Variants in GRIN2B observed in about 807,000 individuals in gnomAD.
GRIN2B encodes glutamate receptor ionotropic, NMDA 2B.
Under a neutral mutation model 114.5 loss-of-function variants are expected in GRIN2B, and 5 were observed. That is an observed-to-expected ratio of 0.04 (90% confidence interval 0.02 to 0.09). The LOEUF (loss-of-function observed/expected upper bound fraction) is 0.09, where lower values mean the gene tolerates loss of function less well. Among genes scored for constraint, GRIN2B ranks in the 10% least tolerant of loss-of-function variants. The probability of loss-of-function intolerance (pLI) is 1.00; values close to 1 mark genes in which losing one functional copy is unlikely to be tolerated. For missense variants in GRIN2B, 1,108 were observed against 1,943.5 expected, an observed-to-expected ratio of 0.57 and a Z score of 8.08; for synonymous variants, 787 against 745.1, an observed-to-expected ratio of 1.06 and a Z score of -0.92.
At chr12:13,852,347 A>C (rs566797322) in intron 3 of GRIN2B, among the ~76,000 whole-genome samples, 258 of 152,346 alleles carry the variant, frequency 1.7e-3, no homozygotes, top group Non-Finnish European at 2.1e-3. Context: ...TAGTGCATGG[A>C]AACTCCAAGA....
At chr12:13,783,482 G>C (rs1285023696) in intron 3 of GRIN2B, among the ~76,000 whole-genome samples, 2 of 60,322 alleles carry the variant, frequency 3.3e-5, no homozygotes, top group African/African-American at 9.1e-5. Flanking sequence ...AGGCAGCAGG[G>C]TGAAATGCCA....
intron 5 of GRIN2B, among the ~76,000 whole-genome samples, chr12:13,642,767 C>T (rs1359975151): frequency 6.6e-6 from 1 of 150,712 alleles, no homozygotes; most frequent in East Asian, 1.9e-4. Context: ...AGGTCCCCAT[C>T]TACCGATATG....
rs1170322391 is a variant in GRIN2B at position 13,555,187 on chromosome 12, G to C, written c.*7596C>G. 6.6e-6 allele frequency: 1 copy of C among 152,182 alleles called. No homozygotes were observed. Among genetic ancestry groups the C allele is most frequent in the African/African-American group, 2.4e-5 (1 of 41,424 alleles). 9.4% of individuals were successfully genotyped at this position (152,182 alleles called of 1,614,324 possible). A position where few individuals can be genotyped will look rare whatever the true frequency, so the allele number is the denominator to read the frequency against. On this transcript the variant is annotated 3_prime_UTR_variant, in exon 14 of 14. Coordinates refer to ENST00000609686, the MANE Select transcript of GRIN2B (RefSeq NM_000834.5). The stretch of plus-strand genomic sequence containing the variant: ...AGGAACCAATGAGGTTAGAGGACCA[G>C]AGAACTAAGATTAAAACCAGAATGT...
chr12:13,723,387 C>G (rs1862914805), intron 4 of GRIN2B, among the ~76,000 whole-genome samples: 2 of 151,818 alleles, frequency 1.3e-5, no homozygotes, highest in Admixed American at 6.6e-5. Flanking sequence ...TTGCTGTCAG[C>G]AATGCTCAAC....
chr12:13,860,710 G>C (rs1434687970), intron 3 of GRIN2B, among the ~76,000 whole-genome samples: 1 of 152,158 alleles, frequency 6.6e-6, no homozygotes, highest in African/African-American at 2.4e-5. Context: ...GGAAGAATAA[G>C]ATCCAGAATG....
intron 3 of GRIN2B, 125 bp downstream of exon 3, chr12:13,865,673 A>G: frequency 1.2e-6 from 1 of 840,086 alleles, no homozygotes; most frequent in Non-Finnish European, 2.1e-6. Context: ...TTGCTGGCCT[A>G]TCCACGCTGT....
At chr12:13,725,000 T>TA (rs1862956227) in intron 4 of GRIN2B, among the ~76,000 whole-genome samples, 1 of 152,252 alleles carries the variant, frequency 6.6e-6, no homozygotes, top group Admixed American at 6.5e-5. Flanking sequence ...TCTGAAACAG[T>TA]AAATTCAGAT....
chr12:13,932,005 T>C (rs1220059534), intron 2 of GRIN2B, among the ~76,000 whole-genome samples: 1 of 152,074 alleles, frequency 6.6e-6, no homozygotes, highest in African/African-American at 2.4e-5. Context: ...CCTCCAATCA[T>C]CCTCTTTCCA....
intron 3 of GRIN2B, among the ~76,000 whole-genome samples, chr12:13,834,580 G>A (rs1347071981): frequency 1.3e-5 from 2 of 152,130 alleles, no homozygotes; most frequent in African/African-American, 4.8e-5. Context: ...CCTCGTCCCT[G>A]GGTCAACTCT....
At chr12:13,966,865 T>C (rs997029072) in intron 2 of GRIN2B, among the ~76,000 whole-genome samples, 8 of 152,276 alleles carry the variant, frequency 5.3e-5, no homozygotes, top group African/African-American at 1.9e-4. Context: ...AATCTGATAG[T>C]ACAGAGAAAT....
intron 4 of GRIN2B, among the ~76,000 whole-genome samples, chr12:13,722,417 CA>C (rs1343715157): frequency 6.6e-6 from 1 of 152,084 alleles, no homozygotes; most frequent in Non-Finnish European, 1.5e-5. Flanking sequence ...TTTGCTTTCT[CA>C]AGGACTTTGC....
intron 11 of GRIN2B, among the ~76,000 whole-genome samples, chr12:13,570,296 A>G (rs1397849455): frequency 6.6e-6 from 1 of 152,252 alleles, no homozygotes; most frequent in Non-Finnish European, 1.5e-5. Flanking sequence ...GAAAGGAAGA[A>G]GGAGTAAAAA....
At chr12:13,861,600 G>C (rs1865752862) in intron 3 of GRIN2B, among the ~76,000 whole-genome samples, 1 of 152,178 alleles carries the variant, frequency 6.6e-6, no homozygotes, top group Non-Finnish European at 1.5e-5. Context: ...GCACCTAGCA[G>C]TTCTTTCCAG....
chr12:13,576,053 C>A (rs955222546), intron 10 of GRIN2B, among the ~76,000 whole-genome samples: 3 of 152,162 alleles, frequency 2.0e-5, no homozygotes, highest in African/African-American at 7.2e-5. Flanking sequence ...TGGAGGCCAA[C>A]AGGGAGAGAA....
At chr12:13,737,494 A>T (rs1863206349) in intron 4 of GRIN2B, among the ~76,000 whole-genome samples, 1 of 152,168 alleles carries the variant, frequency 6.6e-6, no homozygotes. Flanking sequence ...TACAGGCTTG[A>T]ACCACTGTGT....
At chr12:13,868,333 A>C (rs60145873) in intron 2 of GRIN2B, among the ~76,000 whole-genome samples, 16,185 of 152,054 alleles carry the variant, frequency 0.11, 967 homozygotes, top group South Asian at 0.17. Context: ...AGCAGGAGAA[A>C]CAGGGCCTGA....
At chr12:13,612,347 T>A (rs1175076620) in intron 8 of GRIN2B, among the ~76,000 whole-genome samples, 1 of 152,246 alleles carries the variant, frequency 6.6e-6, no homozygotes, top group East Asian at 1.9e-4. Context: ...GTACAATAAA[T>A]AACCAGCCCC....
chr12:13,821,624 T>C (rs992105981), intron 3 of GRIN2B, among the ~76,000 whole-genome samples: 1 of 152,216 alleles, frequency 6.6e-6, no homozygotes, highest in African/African-American at 2.4e-5. Flanking sequence ...ATTTCACCAT[T>C]TGTCTGGGAT....
rs200021190 is a variant in GRIN2B at position 13,563,134 on chromosome 12, G to A, written c.4104C>T (p.Gly1368=). 27 of 1,614,058 alleles carry A rather than the reference G, an allele frequency of 1.7e-5. No homozygotes were observed. Among genetic ancestry groups the A allele is most frequent in the African/African-American group, 1.6e-4 (12 of 74,932 alleles). Residue 1368 remains glycine, a synonymous_variant, in exon 14 of 14, where the codon GGC becomes GGT. Transcript: ENST00000609686. ...TAGHHHHNNP[G]GGYMLSKSLY... The stretch of plus-strand genomic sequence containing the variant: ...GCGACTTGCTGAGCATGTACCCGCC[G>A]CCGGGGTTGTTGTGGTGGTGATGTC...
Sources: allele counts gnomAD v4.1 joint callset (sites outside exome capture counted in the v4.1 genomes callset), GRCh38; gene constraint gnomAD v4.1.1; transcripts MANE v1.5; gene names NCBI Gene and HGNC (gene_info 2026-07-23, HGNC 2026-07-21).